The following VPS35L variants were observed in gnomAD, a reference collection of about 807,000 sequenced individuals.
The protein encoded by VPS35L is VPS35 endosomal protein-sorting factor-like.
VPS35L carries 83 observed loss-of-function variants against 133.0 expected under a neutral mutation model. The ratio of observed to expected loss-of-function variants is 0.62; its 90% CI spans 0.52 to 0.75. VPS35L has a LOEUF of 0.75. Among genes scored for constraint, VPS35L ranks in the 30% least tolerant of loss-of-function variants. The probability of loss-of-function intolerance (pLI) is 0.00; values close to 1 mark genes in which losing one functional copy is unlikely to be tolerated. For synonymous variants in VPS35L, 423 were observed against 449.9 expected (o/e 0.94, Z 0.76); for missense variants, 1,083 against 1,206.8 (o/e 0.90, Z 1.52).
intron 28 of VPS35L, among the ~76,000 whole-genome samples, chr16:19,689,013 G>A (rs541064680): frequency 9.2e-5 from 14 of 151,802 alleles, no homozygotes; most frequent in African/African-American, 3.1e-4. Flanking sequence ...AGCTGTACGC[G>A]TAGCGCCCCC....
At position 19,699,206 on chromosome 16, in the gene VPS35L, C is replaced by G. The variant is rs977960901; in HGVS notation, c.2647-296C>G. On this transcript the variant is annotated intron_variant, in intron 29 of 30. Coordinates refer to ENST00000417362, the MANE Select transcript of VPS35L (RefSeq NM_020314.7). The surrounding 1 kb of genome is among the most constrained non-coding windows in gnomAD (Gnocchi z 4.2). ...GTCCCTGCTGGGGTACCCTTCATTC[C>G]TCGACCTCACTGACTGGTGAGTTTC... is the stretch of plus-strand genomic sequence containing the variant. Among the ~76,000 whole-genome samples, 4 of 152,208 alleles carry G rather than the reference C, an allele frequency of 2.6e-5. No homozygotes were observed. The highest frequency in any genetic ancestry group is 4.4e-5 in the Non-Finnish European group (3 of 68,036).
chr16:19,575,738 C>T (rs1217735824), intron 5 of VPS35L, among the ~76,000 whole-genome samples: 1 of 150,930 alleles, frequency 6.6e-6, no homozygotes, highest in Non-Finnish European at 1.5e-5. Flanking sequence ...TGGTACATGC[C>T]TATAATCCCA....
intron 12 of VPS35L, among the ~76,000 whole-genome samples, chr16:19,611,033 T>C (rs941060260): frequency 1.3e-5 from 2 of 152,212 alleles, no homozygotes; most frequent in African/African-American, 4.8e-5. Context: ...GGAGTCTTAC[T>C]GTGTCGCCCA....
intron 4 of VPS35L, among the ~76,000 whole-genome samples, chr16:19,573,531 G>A (rs1173881546): frequency 2.0e-5 from 3 of 152,008 alleles, no homozygotes; most frequent in Admixed American, 6.6e-5. Context: ...AATTATGAAG[G>A]GAGGAGGTCG....
At position 19,633,187 on chromosome 16, in the gene VPS35L, T is replaced by G; in HGVS notation, c.1635+15T>G. On this transcript the variant is annotated intron_variant, in intron 19 of 30. Transcript: ENST00000417362. The surrounding 1 kb of genome is among the most constrained non-coding windows in gnomAD (Gnocchi z 4.1). ...CCTACCCCCAGGTAACAGATTTGCA[T>G]TTCTCATTTCAACATTGTTAGGAAT... 6.2e-7 allele frequency: 1 copy of G among 1,610,942 alleles called. No individual in the cohort carries two copies. The highest frequency in any genetic ancestry group is 8.5e-7 in the Non-Finnish European group (1 of 1,177,076).
At chr16:19,688,470 T>G (rs1463604048) in intron 28 of VPS35L, among the ~76,000 whole-genome samples, 1 of 152,216 alleles carries the variant, frequency 6.6e-6, no homozygotes, top group African/African-American at 2.4e-5. Context: ...CGTGTGCACT[T>G]GTGGCCGCGT....
chr16:19,568,461 G>A (rs956946978), intron 2 of VPS35L, among the ~76,000 whole-genome samples: 1 of 150,120 alleles, frequency 6.7e-6, no homozygotes, highest in Non-Finnish European at 1.5e-5. Context: ...TTATTCATTC[G>A]GTCTCCAGCC....
At chr16:19,558,922 CAAA>C (rs11294761) in intron 1 of VPS35L, among the ~76,000 whole-genome samples, 6 of 120,160 alleles carry the variant, frequency 5.0e-5, no homozygotes, top group Non-Finnish European at 1.8e-5. Context: ...GACTCCGTCT[CAAA>C]AAAAAAAAAA....
At chr16:19,588,930 A>T (rs226869) in intron 7 of VPS35L, among the ~76,000 whole-genome samples, 9,905 of 152,246 alleles carry the variant, frequency 0.065, 739 homozygotes, top group African/African-American at 0.18. Flanking sequence ...GCTATTCAAC[A>T]TTCTACCACC....
chr16:19,688,417 G>A (rs1280516807), intron 28 of VPS35L, among the ~76,000 whole-genome samples: 2 of 152,194 alleles, frequency 1.3e-5, no homozygotes, highest in African/African-American at 4.8e-5. Context: ...TAAACTGGAT[G>A]TGGTTTATTA....
At chr16:19,583,894 G>A (rs1267414129) in intron 7 of VPS35L, among the ~76,000 whole-genome samples, 1 of 151,984 alleles carries the variant, frequency 6.6e-6, no homozygotes, top group Admixed American at 6.6e-5. Flanking sequence ...GCCTCTAGTC[G>A]TCGCTGTTCT....
At chr16:19,677,840 CTGTGTTCTGGTTCCTTTTCT>C (rs1164839676) in intron 27 of VPS35L, among the ~76,000 whole-genome samples, 1 of 152,192 alleles carries the variant, frequency 6.6e-6, no homozygotes, top group African/African-American at 2.4e-5. Context: ...ACGAGCTCAC[CTGTGTTCTGGTTCCTTTTCT>C]AAAGGGCTTT....
intron 14 of VPS35L, 96 bp from the exon 15 acceptor site, chr16:19,626,081 C>A (rs1477373681): frequency 2.1e-5 from 16 of 755,624 alleles, no homozygotes; most frequent in Non-Finnish European, 3.0e-5. Context: ...CATGTGGCTA[C>A]ATTCATTTTA....
chr16:19,597,342 A>G (rs990964819), intron 8 of VPS35L, among the ~76,000 whole-genome samples: 1 of 151,038 alleles, frequency 6.6e-6, no homozygotes, highest in African/African-American at 2.5e-5. Context: ...ACTGCACCCT[A>G]GCAAAAGTAA....
chr16:19,700,717 T>G lies in VPS35L; in HGVS notation c.*241T>G. ...AGTCTCTGTGTTGTCTTTGCACAAG[T>G]GGCCTTCGGTCTACTCAGCCCGATC... is the stretch of plus-strand genomic sequence containing the variant. On this transcript the variant is annotated 3_prime_UTR_variant, in exon 31 of 31. Transcript: ENST00000417362. 3 of 477,132 alleles carry G rather than the reference T, an allele frequency of 6.3e-6. No individual in the cohort carries two copies. Among genetic ancestry groups the G allele is most frequent in the Non-Finnish European group, 7.5e-6 (2 of 268,244 alleles). The allele number at this position is 477,132 out of a possible 1,614,324, so 29.6% of individuals were successfully genotyped here.
rs774828821 is a variant in VPS35L at position 19,642,465 on chromosome 16, T to A, written c.1854T>A (p.His618Gln). 4 of 1,612,614 alleles carry A rather than the reference T, an allele frequency of 2.5e-6. No homozygotes were observed. The East Asian group carries it at 8.9e-5, about 36-fold the overall frequency. Reference protein sequence around the residue: ...NALLHVCKTMHDSVNALTLED... With the variant: ...NALLHVCKTMQDSVNALTLED... ...TTTTGCATGTTTGCAAGACCATGCA[T>A]GACTCTGTGAAGTAAGCCATGCTTA... Residue 618 changes from histidine (H) to glutamine (Q), a missense_variant, in exon 22 of 31, where the codon CAT (histidine) becomes CAA (glutamine). Physicochemically the swap from His to Gln is conservative, Grantham distance 24 (BLOSUM62 0). Coordinates refer to ENST00000417362, the MANE Select transcript of VPS35L (RefSeq NM_020314.7).
intron 4 of VPS35L, among the ~76,000 whole-genome samples, chr16:19,574,231 T>TCCGC (rs1567391804): frequency 6.6e-6 from 1 of 152,212 alleles, no homozygotes; most frequent in African/African-American, 2.4e-5. Context: ...GCATCAGGGT[T>TCCGC]CCGCCGCATT....
rs1246914568 is a variant in VPS35L at position 19,637,650 on chromosome 16, C to T, written c.1692C>T (p.Phe564=). Residue 564 remains phenylalanine (F), a synonymous_variant, in exon 20 of 31, where the codon TTC becomes TTT. Coordinates refer to ENST00000417362, the MANE Select transcript of VPS35L (RefSeq NM_020314.7). Reference sequence around the variant, plus strand: ...ACTTCCATGACTTCTCAGTTCTTTTCTCAGTGGTAAGTAGGATTTCTTAAT... The same window carrying T: ...ACTTCCATGACTTCTCAGTTCTTTTTTCAGTGGTAAGTAGGATTTCTTAAT... ...IAHFHDFSVL[F]SVEKFLPFLD... The T allele has an allele frequency of 1.3e-6, 2 of 1,575,768 alleles. No homozygotes were observed. The highest frequency in any genetic ancestry group is 2.3e-5 in the East Asian group (1 of 44,124).
intron 27 of VPS35L, among the ~76,000 whole-genome samples, chr16:19,670,271 G>A (rs1974831906): frequency 6.6e-6 from 1 of 152,182 alleles, no homozygotes; most frequent in Non-Finnish European, 1.5e-5. Flanking sequence ...AATTTGCAGG[G>A]GGATACAAAT....
Sources: allele counts gnomAD v4.1 joint callset (sites outside exome capture counted in the v4.1 genomes callset), GRCh38; gene constraint gnomAD v4.1.1; non-coding constraint Gnocchi (gnomAD v3.1); transcripts MANE v1.5; gene names NCBI Gene and HGNC (gene_info 2026-07-23, HGNC 2026-07-21).